TTC39C: variants seen among roughly 807,000 people sequenced by gnomAD.
The protein encoded by TTC39C is tetratricopeptide repeat protein 39C.
In TTC39C, 33 loss-of-function variants were observed where a neutral mutation model predicts 76.3. The observed-to-expected ratio is 0.43, with a 90% confidence interval of 0.33 to 0.58. The LOEUF (loss-of-function observed/expected upper bound fraction) is 0.58, where lower values mean the gene tolerates loss of function less well. Ranked by LOEUF, TTC39C falls within the 20% of genes least tolerant of loss-of-function variation. The pLI is 0.04. For synonymous variants in TTC39C, 254 were observed against 260.6 expected, an observed-to-expected ratio of 0.97 and a Z score of 0.24; for missense variants, 595 against 701.4, an observed-to-expected ratio of 0.85 and a Z score of 1.71.
intron 1 of TTC39C, among the ~76,000 whole-genome samples, chr18:24,023,293 C>A (rs1265332923): frequency 1.3e-5 from 2 of 152,210 alleles, no homozygotes; most frequent in Non-Finnish European, 2.9e-5. Context: ...GAGCTCCTGC[C>A]TGGCCCCGTC....
chr18:24,051,350 A>C (rs147661692), intron 1 of TTC39C, among the ~76,000 whole-genome samples: 1 of 152,342 alleles, frequency 6.6e-6, no homozygotes, highest in African/African-American at 2.4e-5. Flanking sequence ...AGTTAACAAA[A>C]ATAAACAGAA....
chr18:24,093,926 A>G (rs1383107462), intron 6 of TTC39C, among the ~76,000 whole-genome samples: 4 of 152,080 alleles, frequency 2.6e-5, no homozygotes, highest in Non-Finnish European at 4.4e-5. Flanking sequence ...GGCTGTGGCA[A>G]TTTCTTGAAG....
intron 7 of TTC39C, 125 bp downstream of exon 7, chr18:24,114,772 G>C: frequency 3.1e-6 from 2 of 637,106 alleles, no homozygotes; most frequent in South Asian, 3.8e-5. Context: ...AAGGACTTCA[G>C]TTATTCCCGT....
At chr18:24,055,406 T>C (rs1478019130) in intron 1 of TTC39C, among the ~76,000 whole-genome samples, 1 of 152,222 alleles carries the variant, frequency 6.6e-6, no homozygotes, top group African/African-American at 2.4e-5. Context: ...TATTTTGTTT[T>C]ATTTTTGATA....
chr18:24,046,820 T>C (rs2083891752), intron 1 of TTC39C, among the ~76,000 whole-genome samples: 1 of 151,930 alleles, frequency 6.6e-6, no homozygotes, highest in Admixed American at 6.5e-5. Flanking sequence ...GTAAATATTA[T>C]ATTGTATATT....
chr18:24,024,016 A>ATATATATATATATATATTTTT (rs1461392228), intron 1 of TTC39C, among the ~76,000 whole-genome samples: 1 of 5,482 alleles, frequency 1.8e-4, no homozygotes, highest in African/African-American at 6.5e-4. Flanking sequence ...ATATATATAT[A>ATATATATATATATATATTTTT]TTTTTTTTTT....
chr18:24,082,117 C>T lies in TTC39C; in HGVS notation c.816-796C>T, dbSNP rs181013600. On this transcript the variant is annotated intron_variant, in intron 5 of 13. Transcript: ENST00000317571. ...ACTGCAACCTCTGCCTCCCGGGTCC[C>T]GGTTCAAGCAATTCTGCCTCAGTCT... is the stretch of plus-strand genomic sequence containing the variant. 9.9e-5 allele frequency among the ~76,000 whole-genome samples: 15 copies of T among 150,876 alleles called. No homozygotes were observed. In the East Asian group the frequency reaches 2.9e-3, roughly 29 times the overall value.
Position 24,134,352 on chromosome 18 carries a change from C to A in TTC39C, c.*1778C>A, listed in dbSNP as rs1027129501. 4 of 134,234 alleles carry A rather than the reference C, an allele frequency of 3.0e-5. No homozygotes were observed. The highest frequency in any genetic ancestry group is 1.1e-4 in the African/African-American group (4 of 36,838). 8.3% of individuals were successfully genotyped at this position (134,234 alleles called of 1,614,324 possible). A position where few individuals can be genotyped will look rare whatever the true frequency, so the allele number is the denominator to read the frequency against. Reference sequence around the variant, plus strand: ...GCAGTGGCGTGATCTTGGCTCACTGCAACCTCTGCCTCCTGGGTTCACACC... The same window carrying A: ...GCAGTGGCGTGATCTTGGCTCACTGAAACCTCTGCCTCCTGGGTTCACACC... On this transcript the variant is annotated 3_prime_UTR_variant, in exon 14 of 14. Coordinates refer to ENST00000317571, the MANE Select transcript of TTC39C (RefSeq NM_001135993.2).
intron 1 of TTC39C, among the ~76,000 whole-genome samples, chr18:24,003,913 A>G (rs2083332695): frequency 6.6e-6 from 1 of 152,054 alleles, no homozygotes; most frequent in Non-Finnish European, 1.5e-5. Flanking sequence ...ACACCTGGCT[A>G]GGCTTTTAAA....
chr18:24,083,739 G>A (rs1210166489), intron 6 of TTC39C, among the ~76,000 whole-genome samples: 6 of 118,738 alleles, frequency 5.1e-5, no homozygotes, highest in African/African-American at 1.6e-4. Context: ...CCAGAAATGC[G>A]CTGGCCTTTG....
chr18:24,070,926 C>CT (rs200730581), intron 4 of TTC39C, among the ~76,000 whole-genome samples: 1 of 151,938 alleles, frequency 6.6e-6, no homozygotes, highest in African/African-American at 2.4e-5. Context: ...TATATCAGAA[C>CT]TTTTTTGTTT....
chr18:24,094,236 G>C (rs1367526714), intron 6 of TTC39C, among the ~76,000 whole-genome samples: 2 of 152,144 alleles, frequency 1.3e-5, no homozygotes, highest in African/African-American at 4.8e-5. Flanking sequence ...TCCTGCGATT[G>C]CAACAAGTCA....
intron 1 of TTC39C, among the ~76,000 whole-genome samples, chr18:24,048,637 G>C (rs1433397200): frequency 3.9e-5 from 6 of 152,078 alleles, no homozygotes; most frequent in Admixed American, 6.5e-5. Flanking sequence ...TTCTGAAATA[G>C]AATTAGTTTT....
chr18:24,072,139 TGGG>T (rs1298712018), intron 4 of TTC39C, among the ~76,000 whole-genome samples: 1 of 151,706 alleles, frequency 6.6e-6, no homozygotes, highest in African/African-American at 2.4e-5. Context: ...ATAATTTTCT[TGGG>T]GAAAAAAAAA....
chr18:24,057,754 C>T (rs891227448), intron 1 of TTC39C, among the ~76,000 whole-genome samples: 4 of 152,102 alleles, frequency 2.6e-5, no homozygotes, highest in African/African-American at 9.7e-5. Flanking sequence ...TTTGGGGGAA[C>T]ATAATCATTC....
intron 4 of TTC39C, chr18:24,077,323 A>G (rs2084319615): frequency 6.6e-6 from 1 of 152,208 alleles, no homozygotes; most frequent in African/African-American, 2.4e-5. Context: ...AAGAATGGGT[A>G]GGAGTAAAGT....
chr18:24,050,143 C>T (rs2083930389), intron 1 of TTC39C, among the ~76,000 whole-genome samples: 1 of 152,180 alleles, frequency 6.6e-6, no homozygotes, highest in African/African-American at 2.4e-5. Flanking sequence ...GTCAGGCACT[C>T]GTATCCCCTG....
chr18:24,075,567 C>G (rs1344943603), intron 4 of TTC39C, among the ~76,000 whole-genome samples: 1 of 151,718 alleles, frequency 6.6e-6, no homozygotes, highest in Non-Finnish European at 1.5e-5. Flanking sequence ...GCCTGTAGTC[C>G]CAGCTACTCA....
chr18:24,079,882 G>A (rs1277498133), intron 4 of TTC39C, among the ~76,000 whole-genome samples: 2 of 150,542 alleles, frequency 1.3e-5, no homozygotes, highest in African/African-American at 4.9e-5. Flanking sequence ...GCTCACTGCA[G>A]CCTTGACCTC....
Sources: allele counts gnomAD v4.1 joint callset (sites outside exome capture counted in the v4.1 genomes callset), GRCh38; gene constraint gnomAD v4.1.1; transcripts MANE v1.5; gene names NCBI Gene and HGNC (gene_info 2026-07-23, HGNC 2026-07-21).